Variants in LINGO2 observed in about 807,000 individuals in gnomAD.
LINGO2 encodes leucine rich repeat and Ig domain containing 2.
A neutral mutation model predicts 30.6 loss-of-function variants in LINGO2; 14 were observed. That is an observed-to-expected ratio of 0.46 (90% CI 0.30 to 0.72). LINGO2 has a LOEUF of 0.72. Among genes scored for constraint, LINGO2 ranks in the 30% least tolerant of loss-of-function variants. LINGO2 has a pLI of 0.07. For missense variants in LINGO2, 729 were observed against 751.7 expected (o/e 0.97, Z 0.35); for synonymous variants, 317 against 288.5 (o/e 1.10, Z -1.00).
chr9:28,184,645 C>G (rs1352239573), intron 4 of LINGO2, among the ~76,000 whole-genome samples: 3 of 151,884 alleles, frequency 2.0e-5, no homozygotes, highest in African/African-American at 7.3e-5. Context: ...GAGACTGACT[C>G]TGAGTCTGAT....
intron 1 of LINGO2, among the ~76,000 whole-genome samples, chr9:28,565,995 C>T (rs1420249363): frequency 6.6e-6 from 1 of 152,034 alleles, no homozygotes; most frequent in Non-Finnish European, 1.5e-5. Flanking sequence ...AACATATAAT[C>T]CACCATTTTG....
At chr9:28,930,015 C>T in the LINGO2 span, among the ~76,000 whole-genome samples, 3 of 152,142 alleles carry the variant, frequency 2.0e-5, no homozygotes, top group African/African-American at 4.8e-5. The surrounding 1 kb of genome is among the most constrained non-coding windows in gnomAD (Gnocchi z 4.2). Context: ...GATAAAGCCC[C>T]AAATCCTTTG....
the LINGO2 span, among the ~76,000 whole-genome samples, chr9:28,895,409 T>A: frequency 6.6e-6 from 1 of 152,110 alleles, no homozygotes; most frequent in African/African-American, 2.4e-5. Context: ...AAAGAGACCG[T>A]GGCAACCTTC....
intron 2 of LINGO2, among the ~76,000 whole-genome samples, chr9:28,441,566 T>C (rs1035474516): frequency 3.9e-5 from 6 of 152,052 alleles, no homozygotes; most frequent in Non-Finnish European, 1.5e-5. Flanking sequence ...CATCCCAGGT[T>C]TTTCTCATAC....
the LINGO2 span, among the ~76,000 whole-genome samples, chr9:28,913,488 A>G: frequency 6.6e-6 from 1 of 152,096 alleles, no homozygotes; most frequent in Non-Finnish European, 1.5e-5. Context: ...ACGTTATACA[A>G]TATTATATAG....
chr9:28,919,466 A>G, the LINGO2 span, among the ~76,000 whole-genome samples: 1 of 152,190 alleles, frequency 6.6e-6, no homozygotes, highest in Non-Finnish European at 1.5e-5. Context: ...ATGAATTATT[A>G]TGAATAAGTA....
the LINGO2 span, among the ~76,000 whole-genome samples, chr9:29,189,323 T>C: frequency 1.3e-5 from 2 of 150,382 alleles, no homozygotes; most frequent in African/African-American, 4.9e-5. Flanking sequence ...GAGACGCTCC[T>C]CACTTCCCAG....
At chr9:28,807,776 C>A in the LINGO2 span, among the ~76,000 whole-genome samples, 1 of 152,074 alleles carries the variant, frequency 6.6e-6, no homozygotes, top group Non-Finnish European at 1.5e-5. Flanking sequence ...AGGCTTTTTG[C>A]ATAATCATAG....
intron 4 of LINGO2, among the ~76,000 whole-genome samples, chr9:28,050,349 C>T (rs115239082): frequency 0.013 from 1,968 of 150,498 alleles, 140 homozygotes; most frequent in African/African-American, 0.046. Context: ...GGTTAAAGCC[C>T]CATATCTGGA....
At chr9:29,202,274 A>C in the LINGO2 span, among the ~76,000 whole-genome samples, 1 of 151,972 alleles carries the variant, frequency 6.6e-6, no homozygotes, top group Non-Finnish European at 1.5e-5. Flanking sequence ...AGAATATGAT[A>C]CTAAGCTCAT....
chr9:28,191,687 A>G (rs1024132276), intron 4 of LINGO2, among the ~76,000 whole-genome samples: 1 of 152,058 alleles, frequency 6.6e-6, no homozygotes, highest in Non-Finnish European at 1.5e-5. Flanking sequence ...GTCATCAGTA[A>G]CCTCAATGAT....
chr9:28,785,673 A>AACAC, the LINGO2 span, among the ~76,000 whole-genome samples: 212 of 75,916 alleles, frequency 2.8e-3, 1 homozygote, highest in African/African-American at 7.9e-3. Context: ...TCTCTCCACA[A>AACAC]ACACACACAC....
At chr9:29,151,737 G>C in the LINGO2 span, among the ~76,000 whole-genome samples, 1 of 152,274 alleles carries the variant, frequency 6.6e-6, no homozygotes, top group East Asian at 1.9e-4. Context: ...GAAGCACTCA[G>C]ATTCATAAAA....
chr9:28,341,715 T>C (rs999876933), intron 3 of LINGO2, among the ~76,000 whole-genome samples: 5 of 152,162 alleles, frequency 3.3e-5, no homozygotes, highest in African/African-American at 9.7e-5. Context: ...GTGAGAACCA[T>C]ATAGCGTGTG....
chr9:28,586,152 G>A (rs533022575), intron 1 of LINGO2, among the ~76,000 whole-genome samples: 3 of 151,948 alleles, frequency 2.0e-5, no homozygotes, highest in East Asian at 3.9e-4. Flanking sequence ...TTCAGCCACC[G>A]TGGAACATAC....
intron 4 of LINGO2, among the ~76,000 whole-genome samples, chr9:28,164,505 A>C (rs1180917111): frequency 6.6e-6 from 1 of 152,194 alleles, no homozygotes; most frequent in Non-Finnish European, 1.5e-5. Flanking sequence ...TCCCAAGAAT[A>C]CACAGCTAGA....
intron 4 of LINGO2, among the ~76,000 whole-genome samples, chr9:28,046,203 C>A (rs1240343874): frequency 6.6e-6 from 1 of 152,118 alleles, no homozygotes; most frequent in Non-Finnish European, 1.5e-5. Context: ...ATGCAGTATA[C>A]GATTGATATT....
chr9:29,153,003 A>C, the LINGO2 span, among the ~76,000 whole-genome samples: 5 of 152,134 alleles, frequency 3.3e-5, no homozygotes, highest in Admixed American at 1.3e-4. Flanking sequence ...GAAAGAATAT[A>C]TCTTTGTAGG....
intron 4 of LINGO2, among the ~76,000 whole-genome samples, chr9:28,202,697 G>C (rs915264361): frequency 6.6e-5 from 10 of 152,068 alleles, no homozygotes; most frequent in African/African-American, 2.2e-4. Context: ...ATATCACCTT[G>C]GACCTTTGTG....
Sources: allele counts gnomAD v4.1 joint callset (sites outside exome capture counted in the v4.1 genomes callset), GRCh38; gene constraint gnomAD v4.1.1; non-coding constraint Gnocchi (gnomAD v3.1); transcripts MANE v1.5; gene names NCBI Gene and HGNC (gene_info 2026-07-23, HGNC 2026-07-21).